Variants in RIN2 observed in about 807,000 individuals in gnomAD.
RIN2 encodes Ras and Rab interactor 2.
Under a neutral mutation model 78.0 loss-of-function variants are expected in RIN2, and 36 were observed. The ratio of observed to expected loss-of-function variants is 0.46; its 90% CI spans 0.35 to 0.61. The LOEUF is 0.61. RIN2 is among the 20% of genes least tolerant of loss of function. RIN2 has a pLI of 0.00. For missense variants in RIN2, 1,087 were observed against 1,159.7 expected, an observed-to-expected ratio of 0.94 and a Z score of 0.91; for synonymous variants, 466 against 466.8, an observed-to-expected ratio of 1.00 and a Z score of 0.02.
chr20:19,974,613 A>T (rs1336031899), intron 8 of RIN2, 41 bp from the exon 9 acceptor site: 1 of 1,575,604 alleles, frequency 6.3e-7, no homozygotes, highest in South Asian at 1.1e-5. Context: ...GTCTGAGTGT[A>T]CCGTATTTAC....
chr20:19,800,655 C>T (rs1437316586), intron 2 of RIN2, among the ~76,000 whole-genome samples: 2 of 152,186 alleles, frequency 1.3e-5, no homozygotes, highest in African/African-American at 4.8e-5. Context: ...GGCTCCAGCC[C>T]CCAGCCTTTG....
rs1294352921 is a variant in RIN2, at chr20:19,799,609, T to A, written c.-162-13T>A. The A allele has an allele frequency of 6.6e-6, 1 of 152,174 alleles. No individual in the cohort carries two copies. Among genetic ancestry groups the A allele is most frequent in the Admixed American group, 6.5e-5 (1 of 15,278 alleles). The allele number at this position is 152,174 out of a possible 1,614,324, so 9.4% of individuals were successfully genotyped here. A position where few individuals can be genotyped will look rare whatever the true frequency, so the allele number is the denominator to read the frequency against. ...ACATACAAAACCCTGAATGGTCAAT[T>A]TTTGTGTTGTAGATGGAGACGAGAG... is the stretch of plus-strand genomic sequence containing the variant. On this transcript the variant is annotated splice_polypyrimidine_tract_variant and intron_variant, in intron 1 of 12. Coordinates refer to ENST00000255006, the MANE Select transcript of RIN2 (RefSeq NM_018993.4).
At chr20:19,895,314 C>T (rs4814921) in intron 3 of RIN2, among the ~76,000 whole-genome samples, 11,441 of 152,198 alleles carry the variant, frequency 0.075, 671 homozygotes, top group East Asian at 0.23. Flanking sequence ...GAGAGGGATC[C>T]TCTTATAGCA....
At chr20:19,857,042 A>G (rs557343058) in intron 2 of RIN2, among the ~76,000 whole-genome samples, 3 of 152,346 alleles carry the variant, frequency 2.0e-5, no homozygotes, top group African/African-American at 7.2e-5. Flanking sequence ...AGTGAACTTT[A>G]GGCAGAGACC....
chr20:19,800,080 C>A lies in RIN2; in HGVS notation c.-37+333C>A, dbSNP rs1476439477. ...GTTAGTTCATTCAATTATCACAACA[C>A]CACCACGAGGTGGGCACTGCTGTTG... On this transcript the variant is annotated intron_variant, in intron 2 of 12. Coordinates refer to ENST00000255006, the MANE Select transcript of RIN2 (RefSeq NM_018993.4). Among the ~76,000 whole-genome samples, 3 of 152,278 alleles carry A rather than the reference C, an allele frequency of 2.0e-5. No homozygotes were observed. The South Asian group carries it at 6.2e-4, about 32-fold the overall frequency.
Position 19,975,707 on chromosome 20 carries a change from T to A in RIN2, c.1682T>A (p.Met561Lys). The change falls in exon 9 of 13, where the codon ATG (methionine) becomes AAG (lysine). Residue 561 changes from methionine (M) to lysine (K), a missense_variant. Met to Lys is a moderately conservative substitution (Grantham distance 95). Around this residue, in one of 8 missense-constraint regions of RIN2, gnomAD observed 39 missense variants for 34.9 expected, o/e 1.12. Coordinates refer to ENST00000255006, the MANE Select transcript of RIN2 (RefSeq NM_018993.4). This position sits in a 1 kb window ranked among gnomAD's most constrained non-coding sequence, Gnocchi z 4.9. ...ATGCTGCAGACCATCCGGCAGTTCA[T>A]GACCCAGGTCAAGAACTATTTGTCT... The part of the protein sequence containing the change: ...TDMLQTIRQF[M>K]TQVKNYLSQS... The A allele has an allele frequency of 6.2e-7, 1 of 1,613,626 alleles. No individual in the cohort carries two copies. Among genetic ancestry groups the A allele is most frequent in the Non-Finnish European group, 8.5e-7 (1 of 1,179,890 alleles).
At chr20:19,925,241 C>T (rs1297349346) in intron 3 of RIN2, among the ~76,000 whole-genome samples, 1 of 152,228 alleles carries the variant, frequency 6.6e-6, no homozygotes, top group Admixed American at 6.5e-5. Context: ...TCCTTGCTCT[C>T]TAGTCCTGAC....
chr20:19,909,313 C>T (rs900314220), intron 3 of RIN2, among the ~76,000 whole-genome samples: 36 of 152,164 alleles, frequency 2.4e-4, no homozygotes, highest in Admixed American at 7.9e-4. Context: ...CCTGCCCTAC[C>T]CCCAAGGCAA....
intron 1 of RIN2, among the ~76,000 whole-genome samples, chr20:19,784,353 T>A (rs774100176): frequency 1.3e-5 from 2 of 152,094 alleles, no homozygotes; most frequent in African/African-American, 4.8e-5. Context: ...TGTGTATGCA[T>A]TTAGTTATTA....
intron 2 of RIN2, among the ~76,000 whole-genome samples, chr20:19,849,356 C>T (rs532258681): frequency 5.3e-5 from 8 of 152,170 alleles, no homozygotes; most frequent in African/African-American, 7.2e-5. Context: ...GCGTGGAAAC[C>T]GGGGCCGAGG....
At chr20:19,770,888 C>A (rs1246640458) in intron 1 of RIN2, among the ~76,000 whole-genome samples, 1 of 141,608 alleles carries the variant, frequency 7.1e-6, no homozygotes, top group Non-Finnish European at 1.6e-5. Context: ...CCCCCCCCAC[C>A]TTCCCACTAG....
At chr20:19,859,606 C>T (rs1056882809) in intron 2 of RIN2, among the ~76,000 whole-genome samples, 2 of 152,108 alleles carry the variant, frequency 1.3e-5, no homozygotes, top group Admixed American at 1.3e-4. Context: ...ATGAAGATCC[C>T]ATCTATTCCA....
At chr20:19,943,256 G>A (rs1486987305) in intron 4 of RIN2, among the ~76,000 whole-genome samples, 1 of 152,198 alleles carries the variant, frequency 6.6e-6, no homozygotes, top group Non-Finnish European at 1.5e-5. Flanking sequence ...TCTCTAGCTG[G>A]AGAGTCAACC....
intron 2 of RIN2, among the ~76,000 whole-genome samples, chr20:19,869,733 T>C (rs2037625314): frequency 6.6e-6 from 1 of 151,596 alleles, no homozygotes. Flanking sequence ...CAAGTGATGC[T>C]CCCACCTCAG....
chr20:19,893,133 A>G (rs904812518), intron 3 of RIN2, among the ~76,000 whole-genome samples: 1 of 152,200 alleles, frequency 6.6e-6, no homozygotes, highest in Non-Finnish European at 1.5e-5. Context: ...TATATAACCT[A>G]ATCTGGGGTT....
rs1568752691 is a variant in RIN2, at chr20:19,788,440, A to AAAAAAAAACAAAAACAAAAAC, written c.-162-11174_-162-11173insCAAAAACAAAAACAAAAAAAA. 1.1e-4 allele frequency among the ~76,000 whole-genome samples: 12 copies of AAAAAAAAACAAAAACAAAAAC among 110,158 alleles called. 1 individual carries two copies. The highest frequency in any genetic ancestry group is 5.6e-4 in the African/African-American group (12 of 21,494). 72.3% of individuals were successfully genotyped at this position (110,158 alleles called of 152,430 possible). Reference sequence around the variant, plus strand: ...CGAAATCCTGTCTCTGCCAAAAAAAAAAAAAAAAACAACTAGCTAGGCATG... The same window carrying AAAAAAAAACAAAAACAAAAAC: ...CGAAATCCTGTCTCTGCCAAAAAAAAAAAAAAAACAAAAACAAAAACAAAAAAAAACAACTAGCTAGGCATG... On this transcript the variant is annotated intron_variant, in intron 1 of 12. Transcript: ENST00000255006.
rs369492787 is a variant in RIN2 at position 19,889,166 on chromosome 20, A to G, written c.-36-400A>G. On this transcript the variant is annotated intron_variant, in intron 2 of 12. Coordinates refer to ENST00000255006, the MANE Select transcript of RIN2 (RefSeq NM_018993.4). ...CCCCCTTCCAGCAGGATTTCCTGGG[A>G]TGTACAGAACCTCCTTCTTCAGCTG... The G allele has an allele frequency of 6.1e-6, 6 of 985,324 alleles. No homozygotes were observed. In the African/African-American group the frequency reaches 1.0e-4, roughly 17 times the overall value. The allele number at this position is 985,324 out of a possible 1,614,324, so 61.0% of individuals were successfully genotyped here. A position where few individuals can be genotyped will look rare whatever the true frequency, so the allele number is the denominator to read the frequency against.
At chr20:19,878,889 G>A (rs906740265) in intron 2 of RIN2, among the ~76,000 whole-genome samples, 3 of 152,152 alleles carry the variant, frequency 2.0e-5, no homozygotes, top group African/African-American at 4.8e-5. Flanking sequence ...ATGGATAAGA[G>A]GTAATCCTGC....
At chr20:19,904,324 C>T (rs931986300) in intron 3 of RIN2, among the ~76,000 whole-genome samples, 1 of 150,938 alleles carries the variant, frequency 6.6e-6, no homozygotes, top group Non-Finnish European at 1.5e-5. Flanking sequence ...GTATGCGCTG[C>T]CTATATATGG....
Sources: allele counts gnomAD v4.1 joint callset (sites outside exome capture counted in the v4.1 genomes callset), GRCh38; gene constraint gnomAD v4.1.1; regional missense constraint gnomAD v4.1.1; non-coding constraint Gnocchi (gnomAD v3.1); transcripts MANE v1.5; gene names NCBI Gene and HGNC (gene_info 2026-07-23, HGNC 2026-07-21).